DCAF6: variants seen among roughly 807,000 people sequenced by gnomAD.
DCAF6 encodes DDB1- and CUL4-associated factor 6.
DCAF6 carries 54 observed loss-of-function variants against 125.1 expected under a neutral mutation model. The observed-to-expected ratio is 0.43, with a 90% CI of 0.35 to 0.54. DCAF6 has a LOEUF of 0.54. DCAF6 is among the 20% of genes least tolerant of loss of function. DCAF6 has a pLI of 0.01. For missense variants in DCAF6, 934 were observed against 1,161.7 expected, an observed-to-expected ratio of 0.80 and a Z score of 2.85; for synonymous variants, 371 against 390.4, an observed-to-expected ratio of 0.95 and a Z score of 0.58.
intron 7 of DCAF6, among the ~76,000 whole-genome samples, chr1:167,996,927 C>A (rs939016477): frequency 1.8e-4 from 27 of 152,254 alleles, no homozygotes; most frequent in African/African-American, 6.0e-4. Flanking sequence ...ACTGATACTA[C>A]CTATCCCCTT....
intron 7 of DCAF6, among the ~76,000 whole-genome samples, chr1:167,993,807 A>G (rs1681234905): frequency 6.6e-6 from 1 of 152,152 alleles, no homozygotes; most frequent in African/African-American, 2.4e-5. Flanking sequence ...TATTCAATTC[A>G]GAAAACAATT....
chr1:167,864,581 G>C, the DCAF6 span, among the ~76,000 whole-genome samples: 2 of 151,964 alleles, frequency 1.3e-5, no homozygotes. Context: ...CAAAAGGAAA[G>C]TCAAAGAGAG....
intron 1 of DCAF6, among the ~76,000 whole-genome samples, chr1:167,948,148 T>A (rs1673362275): frequency 6.6e-6 from 1 of 151,970 alleles, no homozygotes; most frequent in African/African-American, 2.4e-5. Flanking sequence ...TTTTTTTTTT[T>A]TAACTGTTTT....
chr1:167,878,615 A>T, the DCAF6 span: 3 of 1,614,116 alleles, frequency 1.9e-6, no homozygotes, highest in Non-Finnish European at 2.5e-6. Context: ...CTGGCAGCTA[A>T]GTTGACTTTT....
At chr1:167,997,734 G>T (rs959126552) in intron 7 of DCAF6, among the ~76,000 whole-genome samples, 3 of 152,174 alleles carry the variant, frequency 2.0e-5, no homozygotes, top group Non-Finnish European at 4.4e-5. Context: ...TGCAGATCAT[G>T]TGTCTGGTTA....
At chr1:168,061,814 C>G (rs1253576087) in intron 17 of DCAF6, among the ~76,000 whole-genome samples, 1 of 151,966 alleles carries the variant, frequency 6.6e-6, no homozygotes, top group Non-Finnish European at 1.5e-5. Flanking sequence ...TTTATACAGC[C>G]ACTTTGGAAA....
At chr1:167,889,728 T>C in the DCAF6 span, among the ~76,000 whole-genome samples, 2 of 152,206 alleles carry the variant, frequency 1.3e-5, no homozygotes, top group Admixed American at 6.5e-5. Flanking sequence ...TATTTATCTG[T>C]TCAGGTTTTA....
At chr1:167,906,951 G>A in the DCAF6 span, among the ~76,000 whole-genome samples, 1 of 152,210 alleles carries the variant, frequency 6.6e-6, no homozygotes, top group East Asian at 1.9e-4. Context: ...TGAAGCTTAA[G>A]TATGGTGTAC....
the DCAF6 span, among the ~76,000 whole-genome samples, chr1:167,916,554 G>A: frequency 8.2e-5 from 12 of 146,078 alleles, no homozygotes; most frequent in Admixed American, 8.1e-4. Context: ...AAGAGTTTTG[G>A]GGCAGAAAAG....
At chr1:167,970,636 AT>A (rs1677171108) in intron 3 of DCAF6, among the ~76,000 whole-genome samples, 1 of 151,538 alleles carries the variant, frequency 6.6e-6, no homozygotes, top group South Asian at 2.1e-4. Flanking sequence ...AAAAAAAAAA[AT>A]TATTATCATA....
intron 5 of DCAF6, 134 bp downstream of exon 5, chr1:167,987,742 T>A: frequency 2.1e-6 from 1 of 485,582 alleles, no homozygotes; most frequent in Admixed American, 3.4e-5. Flanking sequence ...GGTGAATTTT[T>A]AAATTTTTGT....
chr1:168,003,896 A>G lies in DCAF6; in HGVS notation c.1024A>G (p.Met342Val), dbSNP rs1407238775. The change falls in exon 9 of 22, where the codon ATG (methionine) becomes GTG (valine). Residue 342 changes from methionine to valine, a missense_variant. By Grantham distance (21) the Met-to-Val change is conservative. Coordinates refer to ENST00000367840, the MANE Select transcript of DCAF6 (RefSeq NM_001198956.2). ...AGAGCAGAGTCCCAATGTGTCATTG[A>G]TGCAGAGAATGTCTGATATGTTATC... ...DGEQSPNVSLMQRMSDMLSRW... is the reference protein window; with the variant it reads ...DGEQSPNVSLVQRMSDMLSRW... 1.9e-6 allele frequency: 3 copies of G among 1,611,054 alleles called. No individual in the cohort carries two copies. The African/African-American group carries it at 4.0e-5, about 22-fold the overall frequency.
intron 12 of DCAF6, among the ~76,000 whole-genome samples, chr1:168,034,001 A>G (rs1687480855): frequency 6.6e-6 from 1 of 152,230 alleles, no homozygotes; most frequent in Non-Finnish European, 1.5e-5. Flanking sequence ...AAGAAGATAC[A>G]ACATAGTTTT....
the DCAF6 span, among the ~76,000 whole-genome samples, chr1:167,873,747 G>GA: frequency 6.6e-6 from 1 of 151,966 alleles, no homozygotes; most frequent in African/African-American, 2.4e-5. Context: ...CAAAATTTCT[G>GA]AAAAAAATGC....
intron 17 of DCAF6, chr1:168,056,118 G>A (rs1362192784): frequency 1.0e-5 from 16 of 1,593,176 alleles, no homozygotes; most frequent in Non-Finnish European, 1.4e-5. Flanking sequence ...ACTTTCCAAA[G>A]CACCAAACTC....
chr1:167,904,060 C>A, the DCAF6 span: 2 of 1,003,902 alleles, frequency 2.0e-6, no homozygotes, highest in African/African-American at 1.6e-5. Context: ...AGAGGACTAC[C>A]CTGGAAGGCA....
chr1:168,067,601 T>C (rs187573321), intron 20 of DCAF6, among the ~76,000 whole-genome samples: 25 of 152,280 alleles, frequency 1.6e-4, no homozygotes, highest in Admixed American at 1.5e-3. Flanking sequence ...CTAGAGTACA[T>C]GCACAAAAGT....
At chr1:167,937,539 G>A (rs1391126904) in intron 1 of DCAF6, among the ~76,000 whole-genome samples, 1 of 152,008 alleles carries the variant, frequency 6.6e-6, no homozygotes, top group African/African-American at 2.4e-5. Context: ...AAAAGTGATA[G>A]CTGAGCTCTC....
the DCAF6 span, chr1:167,875,140 G>T: frequency 6.2e-7 from 1 of 1,613,942 alleles, no homozygotes; most frequent in African/African-American, 1.3e-5. Context: ...CCCAGCAAAG[G>T]GTAATCCTCC....
Sources: gnomAD v4.1 joint callset for allele counts (sites outside exome capture counted in the v4.1 genomes callset) on GRCh38, gnomAD v4.1.1 for gene constraint, MANE v1.5 for transcripts, NCBI Gene and HGNC (gene_info 2026-07-23, HGNC 2026-07-21) for gene names.